TAFA1: variants seen among roughly 807,000 people sequenced by gnomAD.
TAFA1 encodes chemokine-like protein TAFA-1.
TAFA1 carries 4 observed loss-of-function variants against 18.5 expected under a neutral mutation model. That is an observed-to-expected ratio of 0.22 (90% CI 0.11 to 0.49). The LOEUF (loss-of-function observed/expected upper bound fraction) is 0.49, where lower values mean the gene tolerates loss of function less well. Ranked by LOEUF, TAFA1 falls within the 20% of genes least tolerant of loss-of-function variation. TAFA1 has a pLI of 0.98. For missense variants in TAFA1, 147 were observed against 169.0 expected, an observed-to-expected ratio of 0.87 and a Z score of 0.72; for synonymous variants, 56 against 55.2, an observed-to-expected ratio of 1.01 and a Z score of -0.06.
intron 3 of TAFA1, among the ~76,000 whole-genome samples, chr3:68,439,187 C>A (rs1441134169): frequency 6.6e-6 from 1 of 151,890 alleles, no homozygotes; most frequent in African/African-American, 2.4e-5. Context: ...TTTTCCAAAT[C>A]TTTCTACTCT....
At chr3:68,439,777 C>T (rs369988247) in intron 3 of TAFA1, among the ~76,000 whole-genome samples, 36 of 151,852 alleles carry the variant, frequency 2.4e-4, no homozygotes, top group Admixed American at 9.9e-4. Flanking sequence ...CACCCGGGAT[C>T]GATACTTTGC....
intron 2 of TAFA1, among the ~76,000 whole-genome samples, chr3:68,025,501 C>T (rs1225376818): frequency 6.6e-6 from 1 of 152,202 alleles, no homozygotes; most frequent in Non-Finnish European, 1.5e-5. Flanking sequence ...TCCAAACCCA[C>T]ACACAGTGGT....
intron 2 of TAFA1, among the ~76,000 whole-genome samples, chr3:68,059,153 A>G (rs1383660741): frequency 6.6e-6 from 1 of 152,110 alleles, no homozygotes; most frequent in East Asian, 1.9e-4. Context: ...AGACCATACA[A>G]TTGGAGGACT....
chr3:68,031,656 A>C (rs1356176542), intron 2 of TAFA1, among the ~76,000 whole-genome samples: 3 of 152,180 alleles, frequency 2.0e-5, no homozygotes, highest in Non-Finnish European at 4.4e-5. Flanking sequence ...AGCCTAGCAG[A>C]GTGGCCGGTA....
chr3:68,234,014 C>A (rs2066900183), intron 2 of TAFA1, among the ~76,000 whole-genome samples: 1 of 152,184 alleles, frequency 6.6e-6, no homozygotes, highest in Non-Finnish European at 1.5e-5. Context: ...CAGGAGATCC[C>A]TGTTGTTCAT....
chr3:68,534,971 A>G (rs2073253137), intron 3 of TAFA1, among the ~76,000 whole-genome samples: 1 of 152,136 alleles, frequency 6.6e-6, no homozygotes, highest in South Asian at 2.1e-4. Context: ...ACAAAATGCT[A>G]AGTTGAAGGG....
intron 2 of TAFA1, among the ~76,000 whole-genome samples, chr3:68,090,957 AT>A (rs796886271): frequency 3.9e-5 from 6 of 152,294 alleles, no homozygotes; most frequent in African/African-American, 1.4e-4. Context: ...GAAAAATAAT[AT>A]TTTTTAAAAC....
rs566190218 is a variant in TAFA1, at chr3:68,336,966, G to A, written c.119-80314G>A. Among the ~76,000 whole-genome samples the A allele has an allele frequency of 3.3e-5, 5 of 152,088 alleles. No homozygotes were observed. The East Asian group carries it at 7.8e-4, about 24-fold the overall frequency. On this transcript the variant is annotated intron_variant, in intron 2 of 4. Coordinates refer to ENST00000478136, the MANE Select transcript of TAFA1 (RefSeq NM_213609.4). ...CTCAAACTCCTGACCTCGGTAATCC[G>A]CCCACCTTGGCCTCCCAAAGTGCTG...
intron 3 of TAFA1, among the ~76,000 whole-genome samples, chr3:68,525,700 G>A (rs1349434408): frequency 6.6e-6 from 1 of 152,252 alleles, no homozygotes; most frequent in East Asian, 1.9e-4. Context: ...AGTTTCAAGA[G>A]TGCTCTATGA....
intron 2 of TAFA1, among the ~76,000 whole-genome samples, chr3:68,025,344 C>A (rs955208508): frequency 7.9e-5 from 12 of 152,186 alleles, no homozygotes; most frequent in African/African-American, 2.9e-4. Context: ...GGCCGAGCCA[C>A]AACTTCCTCT....
At chr3:68,073,625 G>C (rs1158866460) in intron 2 of TAFA1, among the ~76,000 whole-genome samples, 1 of 152,118 alleles carries the variant, frequency 6.6e-6, no homozygotes, top group Non-Finnish European at 1.5e-5. Context: ...GGATTAAACT[G>C]TTTCCATATT....
chr3:68,052,936 A>G (rs1441365914), intron 2 of TAFA1, among the ~76,000 whole-genome samples: 2 of 152,204 alleles, frequency 1.3e-5, no homozygotes, highest in African/African-American at 4.8e-5. Context: ...CTACTGGACA[A>G]TATTCATTTT....
chr3:68,154,353 CAGGG>C (rs1328177199), intron 2 of TAFA1, among the ~76,000 whole-genome samples: 2 of 152,166 alleles, frequency 1.3e-5, no homozygotes, highest in African/African-American at 4.8e-5. Context: ...ACCTTTACTG[CAGGG>C]AAAACTGATA....
intron 2 of TAFA1, among the ~76,000 whole-genome samples, chr3:68,150,753 T>C (rs1245671510): frequency 6.6e-6 from 1 of 152,158 alleles, no homozygotes; most frequent in East Asian, 1.9e-4. Flanking sequence ...CTCACTGTCA[T>C]GCCTGTAAAA....
chr3:68,361,535 T>G (rs1298726117), intron 2 of TAFA1, among the ~76,000 whole-genome samples: 1 of 151,892 alleles, frequency 6.6e-6, no homozygotes, highest in Non-Finnish European at 1.5e-5. Context: ...CTCAAAGTAA[T>G]GGATAACCCC....
intron 2 of TAFA1, among the ~76,000 whole-genome samples, chr3:68,078,712 C>A (rs1296292755): frequency 1.3e-5 from 2 of 152,064 alleles, no homozygotes; most frequent in Non-Finnish European, 2.9e-5. Flanking sequence ...ATTCGGTTTG[C>A]CAGTATTTTA....
At chr3:68,272,798 A>G (rs1184585038) in intron 2 of TAFA1, among the ~76,000 whole-genome samples, 1 of 152,198 alleles carries the variant, frequency 6.6e-6, no homozygotes, top group African/African-American at 2.4e-5. Context: ...AGGCCAAGCA[A>G]TGAGCAGGTA....
At chr3:68,522,710 A>G (rs938811330) in intron 3 of TAFA1, among the ~76,000 whole-genome samples, 13 of 151,790 alleles carry the variant, frequency 8.6e-5, no homozygotes, top group African/African-American at 2.4e-4. Flanking sequence ...TTAGCCAGGC[A>G]TGGCAGTGAG....
chr3:68,187,313 A>G (rs2066282993), intron 2 of TAFA1, among the ~76,000 whole-genome samples: 1 of 152,016 alleles, frequency 6.6e-6, no homozygotes, highest in Non-Finnish European at 1.5e-5. Flanking sequence ...CAAAGTGAAC[A>G]TAAAAAAATA....
Sources: gnomAD v4.1 joint callset for allele counts (sites outside exome capture counted in the v4.1 genomes callset) on GRCh38, gnomAD v4.1.1 for gene constraint, MANE v1.5 for transcripts, NCBI Gene and HGNC (gene_info 2026-07-23, HGNC 2026-07-21) for gene names.